BMP5: variants seen among roughly 807,000 people sequenced by gnomAD.
BMP5 encodes the protein bone morphogenetic protein 5.
Under a neutral mutation model 46.6 loss-of-function variants are expected in BMP5, and 23 were observed. That is an observed-to-expected ratio of 0.49 (90% CI 0.35 to 0.70). The LOEUF is 0.70. Among genes scored for constraint, BMP5 ranks in the 30% least tolerant of loss-of-function variants. BMP5 has a pLI of 0.00. For missense variants in BMP5, 545 were observed against 565.6 expected (o/e 0.96, Z 0.37); for synonymous variants, 204 against 191.9 (o/e 1.06, Z -0.52).
At chr6:55,780,293 A>G (rs1264309551) in intron 3 of BMP5, among the ~76,000 whole-genome samples, 1 of 151,436 alleles carries the variant, frequency 6.6e-6, no homozygotes, top group Non-Finnish European at 1.5e-5. Flanking sequence ...ACACACTGAT[A>G]TGAACTATGA....
chr6:55,780,820 G>A (rs1775298760), intron 3 of BMP5, among the ~76,000 whole-genome samples: 1 of 152,056 alleles, frequency 6.6e-6, no homozygotes, highest in South Asian at 2.1e-4. Flanking sequence ...GCTGAGAACT[G>A]TAAAGCAGCA....
At chr6:55,758,973 G>T (rs761303484) in intron 6 of BMP5, 32 bp downstream of exon 6, 24 of 1,404,830 alleles carry the variant, frequency 1.7e-5, no homozygotes, top group Middle Eastern at 1.8e-4. Flanking sequence ...TGCATTCTAA[G>T]CTTTTCTTAA....
chr6:55,803,644 C>G (rs1582077916), intron 2 of BMP5, among the ~76,000 whole-genome samples: 1 of 152,314 alleles, frequency 6.6e-6, no homozygotes, highest in Middle Eastern at 3.4e-3. Context: ...CTTTCAGCTT[C>G]CATTGAGTAA....
chr6:55,756,564 G>A (rs1427664887), intron 6 of BMP5, among the ~76,000 whole-genome samples: 1 of 151,872 alleles, frequency 6.6e-6, no homozygotes, highest in Non-Finnish European at 1.5e-5. Context: ...TCCCCCAGAG[G>A]AGTTTATGGG....
intron 3 of BMP5, among the ~76,000 whole-genome samples, chr6:55,779,275 C>T (rs541004688): frequency 6.6e-6 from 1 of 152,052 alleles, no homozygotes; most frequent in East Asian, 1.9e-4. Context: ...TCGTTTTTTT[C>T]TCCTCTAAAC....
intron 5 of BMP5, among the ~76,000 whole-genome samples, chr6:55,760,196 T>TC (rs1554174789): frequency 1.3e-5 from 2 of 152,020 alleles, no homozygotes. Context: ...ACAACGGCAC[T>TC]CTTTTTTTTC....
intron 1 of BMP5, among the ~76,000 whole-genome samples, chr6:55,820,976 T>C (rs1472641588): frequency 1.3e-5 from 2 of 152,164 alleles, no homozygotes; most frequent in Admixed American, 6.6e-5. Context: ...CTGTGTAAGA[T>C]AGTGTATTGT....
intron 1 of BMP5, among the ~76,000 whole-genome samples, chr6:55,868,471 G>A (rs541534062): frequency 7.2e-5 from 11 of 152,248 alleles, no homozygotes; most frequent in African/African-American, 2.6e-4. Flanking sequence ...CTTCCAAGCC[G>A]AGGTTAATGC....
intron 2 of BMP5, among the ~76,000 whole-genome samples, chr6:55,808,779 A>T (rs1172260302): frequency 1.3e-5 from 2 of 151,840 alleles, no homozygotes; most frequent in Admixed American, 1.3e-4. Context: ...CTTCCTCTCC[A>T]TGGGTCACAC....
At chr6:55,852,945 C>T (rs1028322245) in intron 1 of BMP5, among the ~76,000 whole-genome samples, 16 of 151,740 alleles carry the variant, frequency 1.1e-4, no homozygotes, top group Admixed American at 3.9e-4. Flanking sequence ...TCCTGGCTAA[C>T]GCGGTGAAGC....
At chr6:55,838,018 C>T (rs1393229316) in intron 1 of BMP5, among the ~76,000 whole-genome samples, 1 of 152,152 alleles carries the variant, frequency 6.6e-6, no homozygotes, top group Non-Finnish European at 1.5e-5. Context: ...GAATAATACT[C>T]CATTGAGTAC....
intron 1 of BMP5, among the ~76,000 whole-genome samples, chr6:55,872,243 A>C (rs535221419): frequency 6.6e-6 from 1 of 151,876 alleles, no homozygotes; most frequent in East Asian, 1.9e-4. Context: ...ACCTAGTATC[A>C]GAATCAGTTT....
chr6:55,832,071 A>G (rs1443379923), intron 1 of BMP5, among the ~76,000 whole-genome samples: 1 of 152,154 alleles, frequency 6.6e-6, no homozygotes, highest in East Asian at 1.9e-4. Context: ...CAAATATCCC[A>G]TTTACCATTT....
At position 55,760,463 on chromosome 6, in the gene BMP5, T is replaced by C. The variant is rs1774743728; in HGVS notation, c.1098A>G (p.Gly366=). The C allele has an allele frequency of 1.2e-6, 2 of 1,612,912 alleles. No individual in the cohort carries two copies. Among genetic ancestry groups the C allele is most frequent in the Non-Finnish European group, 1.7e-6 (2 of 1,179,256 alleles). The change falls in exon 5 of 7, where the codon GGA becomes GGG. Residue 366 remains glycine (G), a synonymous_variant. Transcript: ENST00000370830. The part of the protein sequence containing the change: ...HELYVSFRDL[G]WQDWIIAPEG... Reference sequence around the variant, plus strand: ...GTTGACTGAAAATTCCTACCTGCCATCCCAGATCCCGGAAGCTCACATAGA... The same window carrying C: ...GTTGACTGAAAATTCCTACCTGCCACCCCAGATCCCGGAAGCTCACATAGA...
At chr6:55,821,682 T>C (rs1457284786) in intron 1 of BMP5, among the ~76,000 whole-genome samples, 2 of 152,204 alleles carry the variant, frequency 1.3e-5, no homozygotes, top group East Asian at 3.9e-4. Flanking sequence ...TGTAAGATGT[T>C]ATTTTGGTCC....
chr6:55,765,345 C>T (rs543657252), intron 4 of BMP5, among the ~76,000 whole-genome samples: 9 of 152,088 alleles, frequency 5.9e-5, no homozygotes, highest in African/African-American at 2.2e-4. Context: ...ATGACAACAG[C>T]TTCAATGAGC....
intron 3 of BMP5, among the ~76,000 whole-genome samples, chr6:55,774,781 T>C (rs1488857323): frequency 4.6e-5 from 7 of 152,006 alleles, no homozygotes; most frequent in African/African-American, 1.7e-4. Flanking sequence ...CACTTAAAGT[T>C]CTTCACAAGT....
At chr6:55,777,792 C>G (rs1465872114) in intron 3 of BMP5, among the ~76,000 whole-genome samples, 2 of 151,864 alleles carry the variant, frequency 1.3e-5, no homozygotes, top group Non-Finnish European at 2.9e-5. Flanking sequence ...ATGTTTAACT[C>G]CTAGAAAGAA....
At chr6:55,848,949 A>T (rs1392807056) in intron 1 of BMP5, among the ~76,000 whole-genome samples, 3 of 152,038 alleles carry the variant, frequency 2.0e-5, no homozygotes, top group Non-Finnish European at 4.4e-5. Flanking sequence ...GAATAAACAC[A>T]CTTCATCTCT....
Sources: gnomAD v4.1 joint callset for allele counts (sites outside exome capture counted in the v4.1 genomes callset) on GRCh38, gnomAD v4.1.1 for gene constraint, MANE v1.5 for transcripts, NCBI Gene and HGNC (gene_info 2026-07-23, HGNC 2026-07-21) for gene names.